Variants in ITFG1 observed in about 807,000 individuals in gnomAD.
ITFG1 encodes the protein T-cell immunomodulatory protein.
ITFG1 carries 34 observed loss-of-function variants against 81.8 expected under a neutral mutation model. That is an observed-to-expected ratio of 0.42 (90% confidence interval 0.32 to 0.55). The LOEUF (loss-of-function observed/expected upper bound fraction) is 0.55, where lower values mean the gene tolerates loss of function less well. ITFG1 is among the 20% of genes least tolerant of loss of function. The pLI, the probability that ITFG1 is intolerant of heterozygous loss-of-function variation, is 0.17. For missense variants in ITFG1, 672 were observed against 755.4 expected (o/e 0.89, Z 1.29); for synonymous variants, 285 against 270.6 (o/e 1.05, Z -0.52).
chr16:47,184,152 C>T (rs1029252254), intron 14 of ITFG1, among the ~76,000 whole-genome samples: 33 of 152,178 alleles, frequency 2.2e-4, no homozygotes, highest in Non-Finnish European at 3.4e-4. Context: ...CTACGTGTGA[C>T]TGGTGTACCT....
intron 10 of ITFG1, among the ~76,000 whole-genome samples, chr16:47,286,451 C>T (rs1246487510): frequency 1.3e-5 from 2 of 152,018 alleles, no homozygotes; most frequent in Non-Finnish European, 2.9e-5. Context: ...ACCAGCCTGG[C>T]CAACATGGTG....
chr16:47,355,713 G>GT lies in ITFG1; in HGVS notation c.802+10074dup, dbSNP rs1968031189. The stretch of plus-strand genomic sequence containing the variant: ...CAAAAAATTTATATTCTGAAAGCTT[G>GT]TTTTATTCCAACAGAAATCAATTTT... On this transcript the variant is annotated intron_variant, in intron 8 of 17. Coordinates refer to ENST00000320640, the MANE Select transcript of ITFG1 (RefSeq NM_030790.5). Among the ~76,000 whole-genome samples the GT allele has an allele frequency of 2.0e-5, 3 of 152,062 alleles. No homozygotes were observed. The South Asian group carries it at 6.2e-4, about 32-fold the overall frequency.
At chr16:47,258,112 A>G (rs1966160639) in intron 12 of ITFG1, among the ~76,000 whole-genome samples, 1 of 152,210 alleles carries the variant, frequency 6.6e-6, no homozygotes, top group Admixed American at 6.5e-5. Context: ...TAGGGTAGAG[A>G]AACTTGGTGA....
intron 6 of ITFG1, among the ~76,000 whole-genome samples, chr16:47,408,516 G>A (rs1449235953): frequency 6.6e-6 from 1 of 152,128 alleles, no homozygotes; most frequent in Non-Finnish European, 1.5e-5. Context: ...AAAGAAAAAG[G>A]TAAAGAGTCC....
At chr16:47,375,753 C>A (rs1404048575) in intron 7 of ITFG1, 123 bp downstream of exon 7, 1 of 703,822 alleles carries the variant, frequency 1.4e-6, no homozygotes, top group Non-Finnish European at 2.6e-6. Flanking sequence ...CAACCAAAGG[C>A]TCTTAAAGTT....
At chr16:47,443,361 C>T (rs949134300) in intron 5 of ITFG1, among the ~76,000 whole-genome samples, 1 of 152,092 alleles carries the variant, frequency 6.6e-6, no homozygotes, top group African/African-American at 2.4e-5. Context: ...GGATCTAGAA[C>T]TAGAAATACC....
intron 12 of ITFG1, among the ~76,000 whole-genome samples, chr16:47,252,460 GGGTTCATCCA>G (rs1231282764): frequency 6.6e-6 from 1 of 152,194 alleles, no homozygotes; most frequent in Non-Finnish European, 1.5e-5. Context: ...AGGGGAAACA[GGGTTCATCCA>G]GGTTTGTTAG....
At chr16:47,365,951 T>C (rs1968172504) in intron 7 of ITFG1, 82 bp from the exon 8 acceptor site, 2 of 725,302 alleles carry the variant, frequency 2.8e-6, no homozygotes, top group East Asian at 2.5e-5. Context: ...CTAACTGAAC[T>C]GGGGAAATAA....
rs189599333 is a variant in ITFG1 at position 47,319,816 on chromosome 16, C to A, written c.803-5993G>T. The stretch of plus-strand genomic sequence containing the variant: ...TTTGCTTTGTCCTTGTAAATGTCAA[C>A]ATGTGAAAAAGTCAAAAAATATCTT... On this transcript the variant is annotated intron_variant, in intron 8 of 17. Coordinates refer to ENST00000320640, the MANE Select transcript of ITFG1 (RefSeq NM_030790.5). Among the ~76,000 whole-genome samples the A allele has an allele frequency of 2.6e-5, 4 of 152,306 alleles. No homozygotes were observed. In the East Asian group the frequency reaches 5.8e-4, roughly 22 times the overall value.
intron 6 of ITFG1, among the ~76,000 whole-genome samples, chr16:47,409,299 C>A (rs1363055539): frequency 7.8e-6 from 1 of 128,448 alleles, no homozygotes; most frequent in African/African-American, 3.0e-5. Context: ...AAAGATATAA[C>A]CGAAATACCA....
At chr16:47,223,082 A>G (rs1965713582) in intron 13 of ITFG1, among the ~76,000 whole-genome samples, 1 of 151,520 alleles carries the variant, frequency 6.6e-6, no homozygotes, top group Non-Finnish European at 1.5e-5. Context: ...ACAAAAATCA[A>G]TTCAAGATGG....
At chr16:47,407,518 T>TA in intron 6 of ITFG1, among the ~76,000 whole-genome samples, 1 of 152,286 alleles carries the variant, frequency 6.6e-6, no homozygotes, top group South Asian at 2.1e-4. Context: ...TTTTTCTTTT[T>TA]GTATTTTTAG....
chr16:47,362,608 C>T (rs1045245325), intron 8 of ITFG1, among the ~76,000 whole-genome samples: 1 of 152,198 alleles, frequency 6.6e-6, no homozygotes, highest in African/African-American at 2.4e-5. Flanking sequence ...ATTCACTAGT[C>T]ACTAACCAAA....
intron 10 of ITFG1, among the ~76,000 whole-genome samples, chr16:47,308,374 C>A (rs1967203346): frequency 6.6e-6 from 1 of 152,294 alleles, no homozygotes; most frequent in South Asian, 2.1e-4. Flanking sequence ...TTTGTACTAT[C>A]AACCTCCATG....
intron 10 of ITFG1, among the ~76,000 whole-genome samples, chr16:47,283,427 T>C (rs540507824): frequency 6.6e-6 from 1 of 152,342 alleles, no homozygotes; most frequent in African/African-American, 2.4e-5. Context: ...CTCCATTCTG[T>C]CCCATTGATC....
intron 10 of ITFG1, among the ~76,000 whole-genome samples, chr16:47,285,673 C>T (rs550039869): frequency 6.6e-6 from 1 of 152,242 alleles, no homozygotes; most frequent in African/African-American, 2.4e-5. Flanking sequence ...AAAAACTCCA[C>T]ACATATGGTC....
At chr16:47,201,765 G>A (rs1424509099) in intron 14 of ITFG1, among the ~76,000 whole-genome samples, 1 of 152,082 alleles carries the variant, frequency 6.6e-6, no homozygotes, top group Non-Finnish European at 1.5e-5. Context: ...TCTGACAGTG[G>A]TCTAAAGTTT....
chr16:47,207,474 T>C (rs1383460419), intron 14 of ITFG1, among the ~76,000 whole-genome samples: 2 of 152,046 alleles, frequency 1.3e-5, no homozygotes, highest in East Asian at 1.9e-4. Flanking sequence ...AGAAGGGGAA[T>C]AGTGAGGAGT....
At position 47,460,872 on chromosome 16, in the gene ITFG1, G is replaced by A. The variant is rs11559041; in HGVS notation, c.174C>T (p.Ser58=). 5.0e-6 allele frequency: 8 copies of A among 1,613,562 alleles called. No individual in the cohort carries two copies. The highest frequency in any genetic ancestry group is 5.9e-6 in the Non-Finnish European group (7 of 1,179,998). The change falls in exon 1 of 18, where the codon TCC becomes TCT. Residue 58 remains serine, a synonymous_variant. Coordinates refer to ENST00000320640, the MANE Select transcript of ITFG1 (RefSeq NM_030790.5). ...GCACGAAGAGATCCGTCTGCTTGTC[G>A]GAGTTGAGGTCCCCGAAAGCCGCAA... is the stretch of plus-strand genomic sequence containing the variant. The part of the protein sequence containing the change: ...GTLAAFGDLN[S]DKQTDLFVLR...
Sources: allele counts gnomAD v4.1 joint callset (sites outside exome capture counted in the v4.1 genomes callset), GRCh38; gene constraint gnomAD v4.1.1; transcripts MANE v1.5; gene names NCBI Gene and HGNC (gene_info 2026-07-23, HGNC 2026-07-21).